The following ALDH9A1 variants were observed in gnomAD, a reference collection of about 807,000 sequenced individuals.
ALDH9A1 encodes aldehyde dehydrogenase 9 family member A1, also known as 4-trimethylaminobutyraldehyde dehydrogenase.
A neutral mutation model predicts 56.6 loss-of-function variants in ALDH9A1; 42 were observed. That is an observed-to-expected ratio of 0.74 (90% confidence interval 0.58 to 0.96). The LOEUF (loss-of-function observed/expected upper bound fraction) is 0.96. Ranked by LOEUF, ALDH9A1 falls within the 40% of genes least tolerant of loss-of-function variation. The pLI is 0.00. For synonymous variants in ALDH9A1, 242 were observed against 236.0 expected, an observed-to-expected ratio of 1.03 and a Z score of -0.23; for missense variants, 661 against 651.5, an observed-to-expected ratio of 1.01 and a Z score of -0.16.
At chr1:165,688,838 A>T (rs1046011036) in intron 2 of ALDH9A1, among the ~76,000 whole-genome samples, 1 of 152,250 alleles carries the variant, frequency 6.6e-6, no homozygotes, top group African/African-American at 2.4e-5. Flanking sequence ...GGGTGAAGGC[A>T]GGTTCAGAGC....
chr1:165,671,727 C>A, intron 6 of ALDH9A1: 1 of 358,302 alleles, frequency 2.8e-6, no homozygotes, highest in Non-Finnish European at 5.5e-6. Flanking sequence ...GCCCTGGTTG[C>A]ATAAATTTGT....
intron 2 of ALDH9A1, among the ~76,000 whole-genome samples, chr1:165,686,039 A>C (rs1316403926): frequency 1.3e-5 from 2 of 152,208 alleles, no homozygotes; most frequent in African/African-American, 4.8e-5. Flanking sequence ...CAAAGTAAAA[A>C]TGAGAAAATA....
At chr1:165,688,491 T>C (rs943487469) in intron 2 of ALDH9A1, among the ~76,000 whole-genome samples, 8 of 152,198 alleles carry the variant, frequency 5.3e-5, no homozygotes, top group African/African-American at 1.7e-4. Context: ...TAAAAAATAA[T>C]TGTTTACAGC....
At chr1:165,672,854 T>C (rs1649223448) in intron 6 of ALDH9A1, among the ~76,000 whole-genome samples, 1 of 151,876 alleles carries the variant, frequency 6.6e-6, no homozygotes, top group Non-Finnish European at 1.5e-5. Flanking sequence ...GGAATATCAC[T>C]TGAGCTTGGG....
chr1:165,693,567 A>C (rs1487287643), intron 2 of ALDH9A1, among the ~76,000 whole-genome samples: 1 of 152,208 alleles, frequency 6.6e-6, no homozygotes, highest in Non-Finnish European at 1.5e-5. Flanking sequence ...AGGAAACAAC[A>C]GGTGCTGGAG....
At chr1:165,698,186 C>CG in intron 1 of ALDH9A1, 192 bp downstream of exon 1, 1 of 1,352,864 alleles carries the variant, frequency 7.4e-7, no homozygotes, top group Non-Finnish European at 9.4e-7. Context: ...CTTTTCCTCC[C>CG]TACCCATCCC....
At chr1:165,671,533 A>G (rs1200406680) in intron 6 of ALDH9A1, 1 of 455,790 alleles carries the variant, frequency 2.2e-6, no homozygotes. Context: ...ATCTCCCTGA[A>G]GATCTCTACC....
intron 6 of ALDH9A1, among the ~76,000 whole-genome samples, chr1:165,674,143 C>T (rs568302794): frequency 7.2e-5 from 11 of 152,004 alleles, no homozygotes; most frequent in Non-Finnish European, 1.2e-4. Flanking sequence ...GCCATGGCAA[C>T]GTCATTTTAC....
At chr1:165,677,069 AG>A (rs1375058570) in intron 6 of ALDH9A1, among the ~76,000 whole-genome samples, 4 of 152,116 alleles carry the variant, frequency 2.6e-5, no homozygotes, top group Admixed American at 6.6e-5. Context: ...CATAAAAAAA[AG>A]TTTACAAAAA....
chr1:165,685,468 C>T (rs969733117), intron 2 of ALDH9A1, among the ~76,000 whole-genome samples: 1 of 152,142 alleles, frequency 6.6e-6, no homozygotes, highest in African/African-American at 2.4e-5. Flanking sequence ...TTATGTACAA[C>T]AATCACCTTG....
intron 6 of ALDH9A1, among the ~76,000 whole-genome samples, chr1:165,674,636 A>G (rs940459307): frequency 6.7e-5 from 10 of 148,702 alleles, no homozygotes; most frequent in African/African-American, 5.0e-5. Context: ...CAGTGAGCTG[A>G]GATCGTGCCA....
In ALDH9A1 at chr1:165,663,156, A is replaced by G. The variant is rs746616345; in HGVS notation, c.1463-12T>C. The G allele has an allele frequency of 3.1e-6, 5 of 1,608,920 alleles. No individual in the cohort carries two copies. The highest frequency in any genetic ancestry group is 4.3e-6 in the Non-Finnish European group (5 of 1,175,308). On this transcript the variant is annotated splice_polypyrimidine_tract_variant and intron_variant, in intron 10 of 10. Coordinates refer to ENST00000354775, the MANE Select transcript of ALDH9A1 (RefSeq NM_000696.4). ...CTCTCTGCCAAATCCTGAAAGGAGG[A>G]GAAGGGGTCAGGTTGAGCCATCACT...
chr1:165,697,328 T>A (rs1229101215), intron 1 of ALDH9A1, among the ~76,000 whole-genome samples: 4 of 152,188 alleles, frequency 2.6e-5, no homozygotes, highest in Non-Finnish European at 4.4e-5. Context: ...AAAGAATAGA[T>A]CTTAAATATT....
intron 2 of ALDH9A1, among the ~76,000 whole-genome samples, chr1:165,692,152 C>T (rs1481025554): frequency 6.6e-6 from 1 of 152,178 alleles, no homozygotes; most frequent in East Asian, 1.9e-4. Context: ...CCTTTGAAAA[C>T]TGGCACAAGA....
At chr1:165,668,846 T>C (rs552661100) in intron 8 of ALDH9A1, 80 bp downstream of exon 8, 23 of 1,180,386 alleles carry the variant, frequency 1.9e-5, no homozygotes, top group Non-Finnish European at 2.7e-5. Flanking sequence ...TTATATCATG[T>C]ACATATTTTA....
intron 8 of ALDH9A1, among the ~76,000 whole-genome samples, chr1:165,667,896 C>A (rs756404172): frequency 3.9e-5 from 6 of 152,032 alleles, no homozygotes; most frequent in Non-Finnish European, 8.8e-5. Context: ...ATGGTTCAAC[C>A]TACATATAAT....
intron 6 of ALDH9A1, among the ~76,000 whole-genome samples, chr1:165,678,379 A>T (rs112550614): frequency 6.6e-6 from 1 of 152,092 alleles, no homozygotes; most frequent in Non-Finnish European, 1.5e-5. Flanking sequence ...TAAATAAATA[A>T]TGATAGTATT....
In ALDH9A1 at chr1:165,698,546, C is replaced by T; in HGVS notation, c.13G>A (p.Ala5Thr). Reference protein sequence around the residue: MFLRAGLAALSPLLR... With the variant: MFLRTGLAALSPLLR... The stretch of plus-strand genomic sequence containing the variant: ...AGCGGGGAGAGCGCGGCCAGGCCTG[C>T]TCGGAGAAACATGAGTGGCGGACGC... The change falls in exon 1 of 11, where the codon GCA (alanine) becomes ACA (threonine). Residue 5 changes from alanine (A) to threonine (T), a missense_variant. Physicochemically the swap from Ala to Thr is moderately conservative, Grantham distance 58. Transcript: ENST00000354775. 4 of 1,605,612 alleles carry T rather than the reference C, an allele frequency of 2.5e-6. No individual in the cohort carries two copies. Among genetic ancestry groups the T allele is most frequent in the African/African-American group, 1.4e-5 (1 of 73,314 alleles).
chr1:165,679,385 C>T (rs969878493), intron 6 of ALDH9A1, 57 bp downstream of exon 6: 1 of 1,586,228 alleles, frequency 6.3e-7, no homozygotes, highest in Non-Finnish European at 8.6e-7. Context: ...TTAAAACACA[C>T]TGTTGGATGA....
Sources: allele counts gnomAD v4.1 joint callset (sites outside exome capture counted in the v4.1 genomes callset), GRCh38; gene constraint gnomAD v4.1.1; transcripts MANE v1.5; gene names NCBI Gene and HGNC (gene_info 2026-07-23, HGNC 2026-07-21).